TRHDE: variants seen among roughly 807,000 people sequenced by gnomAD.
TRHDE encodes thyrotropin releasing hormone degrading enzyme, also known as thyrotropin-releasing hormone-degrading ectoenzyme.
Under a neutral mutation model 125.7 loss-of-function variants are expected in TRHDE, and 72 were observed. The ratio of observed to expected loss-of-function variants is 0.57; its 90% confidence interval spans 0.47 to 0.70. The LOEUF (loss-of-function observed/expected upper bound fraction) is 0.70. Among genes scored for constraint, TRHDE ranks in the 30% least tolerant of loss-of-function variants. The probability of loss-of-function intolerance (pLI) is 0.00; values close to 1 mark genes in which losing one functional copy is unlikely to be tolerated. For missense variants in TRHDE, 1,110 were observed against 1,327.1 expected, an observed-to-expected ratio of 0.84 and a Z score of 2.54; for synonymous variants, 509 against 509.1, an observed-to-expected ratio of 1.00 and a Z score of 0.00.
rs12426563 is a variant in TRHDE, at chr12:72,406,953, T to C, written c.1315+28832T>C. Among the ~76,000 whole-genome samples the C allele has an allele frequency of 8.6e-3, 1,314 of 152,286 alleles. 67 individuals are homozygous for C. Among genetic ancestry groups the C allele is most frequent in the Admixed American group, 0.074 (1,134 of 15,292 alleles). On this transcript the variant is annotated intron_variant, in intron 3 of 18. Coordinates refer to ENST00000261180, the MANE Select transcript of TRHDE (RefSeq NM_013381.3). Reference sequence around the variant, plus strand: ...CTGAGGTGTGAAAACCATAGGAAGATGTCAAGTAAGAGGGCAGTTCGCTTC... The same window carrying C: ...CTGAGGTGTGAAAACCATAGGAAGACGTCAAGTAAGAGGGCAGTTCGCTTC...
chr12:72,181,588 A>G (rs542276941), intron 2 of TRHDE, among the ~76,000 whole-genome samples: 5 of 152,234 alleles, frequency 3.3e-5, no homozygotes, highest in Non-Finnish European at 7.3e-5. Flanking sequence ...ACCTAGTTAT[A>G]TGTAGCATGA....
chr12:72,333,726 A>G (rs1236565879), intron 2 of TRHDE, among the ~76,000 whole-genome samples: 1 of 152,242 alleles, frequency 6.6e-6, no homozygotes, highest in Non-Finnish European at 1.5e-5. Flanking sequence ...TCTTAACACC[A>G]TCAGATTGAG....
At chr12:72,533,571 C>T (rs7967401) in intron 6 of TRHDE, among the ~76,000 whole-genome samples, 2,725 of 151,256 alleles carry the variant, frequency 0.018, 91 homozygotes, top group African/African-American at 0.063. Flanking sequence ...TAGCTATGTG[C>T]CCATTTTTAG....
At chr12:72,624,934 T>TAA (rs67915101) in intron 15 of TRHDE, among the ~76,000 whole-genome samples, 14 of 145,442 alleles carry the variant, frequency 9.6e-5, no homozygotes, top group African/African-American at 2.5e-4. Context: ...TCTCAAAAAA[T>TAA]AAAAAAAAAA....
intron 12 of TRHDE, among the ~76,000 whole-genome samples, chr12:72,607,365 C>G (rs1205872615): frequency 1.3e-5 from 2 of 152,110 alleles, no homozygotes; most frequent in African/African-American, 4.8e-5. Flanking sequence ...TTATGATATT[C>G]ACAACTGTTG....
intron 3 of TRHDE, among the ~76,000 whole-genome samples, chr12:72,450,829 A>G (rs908874529): frequency 6.6e-6 from 1 of 151,958 alleles, no homozygotes; most frequent in Non-Finnish European, 1.5e-5. Flanking sequence ...TTTTTTCTGT[A>G]GTAGCCATTC....
intron 2 of TRHDE, among the ~76,000 whole-genome samples, chr12:72,230,859 A>T (rs970285857): frequency 2.6e-5 from 4 of 152,224 alleles, no homozygotes; most frequent in Non-Finnish European, 4.4e-5. Flanking sequence ...GTAATGTAGC[A>T]TAAAACTCTA....
chr12:72,149,709 A>G (rs1236948884), intron 2 of TRHDE, among the ~76,000 whole-genome samples: 1 of 152,102 alleles, frequency 6.6e-6, no homozygotes, highest in East Asian at 1.9e-4. Flanking sequence ...AAGTCCTATA[A>G]AAGAGAGCAA....
At chr12:72,139,102 G>A (rs1320614259) in intron 2 of TRHDE, among the ~76,000 whole-genome samples, 1 of 152,182 alleles carries the variant, frequency 6.6e-6, no homozygotes, top group African/African-American at 2.4e-5. Flanking sequence ...GATGTACCTG[G>A]TAATATATTA....
chr12:72,339,192 T>C (rs1392806006), intron 2 of TRHDE, among the ~76,000 whole-genome samples: 1 of 152,192 alleles, frequency 6.6e-6, no homozygotes, highest in Non-Finnish European at 1.5e-5. Context: ...TCCTTTTTGG[T>C]AAATTTTCAC....
intron 2 of TRHDE, among the ~76,000 whole-genome samples, chr12:72,153,089 A>T (rs1336858210): frequency 6.6e-6 from 1 of 152,186 alleles, no homozygotes; most frequent in Non-Finnish European, 1.5e-5. Flanking sequence ...TTATTGGTCT[A>T]TTCAGAAATT....
intron 5 of TRHDE, among the ~76,000 whole-genome samples, chr12:72,489,309 G>A (rs577869763): frequency 6.6e-6 from 1 of 150,682 alleles, no homozygotes; most frequent in African/African-American, 2.4e-5. Flanking sequence ...AAATTAAAGT[G>A]AAGAAGTTTG....
intron 1 of TRHDE, among the ~76,000 whole-genome samples, chr12:72,095,792 G>A (rs1049340120): frequency 1.3e-5 from 2 of 152,138 alleles, no homozygotes; most frequent in Non-Finnish European, 2.9e-5. Flanking sequence ...CAACTTGGCT[G>A]GACTGCAGGT....
rs573952799 is a variant in TRHDE at position 72,640,403 on chromosome 12, C to G, written c.2676-11919C>G. 2.0e-5 allele frequency among the ~76,000 whole-genome samples: 3 copies of G among 152,366 alleles called. No individual in the cohort carries two copies. In the East Asian group the frequency reaches 5.8e-4, roughly 29 times the overall value. ...GCACCCACTGACCTGCGCCCACTGT[C>G]TGGCACTTCCTAGTGAGATGAACCC... is the stretch of plus-strand genomic sequence containing the variant. On this transcript the variant is annotated intron_variant, in intron 15 of 18. Coordinates refer to ENST00000261180, the MANE Select transcript of TRHDE (RefSeq NM_013381.3).
At chr12:72,530,645 C>G (rs1272297780) in intron 6 of TRHDE, among the ~76,000 whole-genome samples, 1 of 150,676 alleles carries the variant, frequency 6.6e-6, no homozygotes, top group African/African-American at 2.4e-5. Flanking sequence ...TTTCAAAATC[C>G]GGTTATGCTT....
intron 2 of TRHDE, among the ~76,000 whole-genome samples, chr12:72,308,808 A>G (rs1015669781): frequency 2.0e-5 from 3 of 152,170 alleles, no homozygotes; most frequent in African/African-American, 4.8e-5. Flanking sequence ...AAGTTATACC[A>G]TGAAGAAACT....
intron 2 of TRHDE, chr12:72,263,231 G>C (rs1488576431): frequency 1.3e-5 from 2 of 151,992 alleles, no homozygotes; most frequent in African/African-American, 2.4e-5. Context: ...TGTGTTCAGA[G>C]GTTTTCTGGA....
intron 2 of TRHDE, among the ~76,000 whole-genome samples, chr12:72,190,651 A>G (rs995704143): frequency 6.6e-6 from 1 of 152,210 alleles, no homozygotes; most frequent in African/African-American, 2.4e-5. Flanking sequence ...ATATTTACCA[A>G]ATTTCCTCCT....
At chr12:72,561,279 G>A (rs1481189526) in intron 7 of TRHDE, among the ~76,000 whole-genome samples, 1 of 151,974 alleles carries the variant, frequency 6.6e-6, no homozygotes, top group Non-Finnish European at 1.5e-5. Flanking sequence ...GAAGGAGTCA[G>A]CATTTTTCTT....
Sources: allele counts gnomAD v4.1 joint callset (sites outside exome capture counted in the v4.1 genomes callset), GRCh38; gene constraint gnomAD v4.1.1; transcripts MANE v1.5; gene names NCBI Gene and HGNC (gene_info 2026-07-23, HGNC 2026-07-21).